Variants in SHISA9 observed in about 807,000 individuals in gnomAD.
SHISA9 encodes the protein shisa family member 9.
Under a neutral mutation model 38.0 loss-of-function variants are expected in SHISA9, and 13 were observed. That is an observed-to-expected ratio of 0.34 (90% confidence interval 0.22 to 0.54). The LOEUF is 0.54. Ranked by LOEUF, SHISA9 falls within the 20% of genes least tolerant of loss-of-function variation. The pLI is 0.91. For missense variants in SHISA9, 538 were observed against 575.8 expected (o/e 0.93, Z 0.67); for synonymous variants, 275 against 242.0 (o/e 1.14, Z -1.27).
At chr16:13,023,143 A>G (rs1246537553) in intron 2 of SHISA9, among the ~76,000 whole-genome samples, 1 of 152,098 alleles carries the variant, frequency 6.6e-6, no homozygotes, top group African/African-American at 2.4e-5. Context: ...TACATTAGGT[A>G]TTTCTCCTAA....
In SHISA9 at chr16:12,943,357, G is replaced by C. The variant is rs2071646803; in HGVS notation, c.691+26542G>C. 6.0e-5 allele frequency among the ~76,000 whole-genome samples: 5 copies of C among 83,406 alleles called. 1 individual carries two copies. The highest frequency in any genetic ancestry group is 1.3e-4 in the Non-Finnish European group (5 of 37,762). 54.7% of individuals were successfully genotyped at this position (83,406 alleles called of 152,430 possible). On this transcript the variant is annotated intron_variant, in intron 2 of 4. Transcript: ENST00000558583. ...AGAGAGAGAGAGAGAGAGAGAGAGA[G>C]AGAGAGAGAGAGAGAGAGAGAGAGA...
At chr16:13,144,935 T>C (rs181172631) in intron 2 of SHISA9, among the ~76,000 whole-genome samples, 18 of 152,274 alleles carry the variant, frequency 1.2e-4, no homozygotes, top group African/African-American at 4.3e-4. Flanking sequence ...AAGTAAACAA[T>C]TATTTTTGAT....
chr16:13,515,631 C>G, the SHISA9 span, among the ~76,000 whole-genome samples: 1 of 152,116 alleles, frequency 6.6e-6, no homozygotes, highest in Non-Finnish European at 1.5e-5. Context: ...GTCAACTTTC[C>G]TCATTATACA....
the SHISA9 span, among the ~76,000 whole-genome samples, chr16:13,561,695 A>G: frequency 6.6e-6 from 1 of 152,226 alleles, no homozygotes; most frequent in Admixed American, 6.5e-5. Context: ...CATGCAGGTC[A>G]AGGTAGTGAC....
intron 4 of SHISA9, among the ~76,000 whole-genome samples, chr16:13,222,187 G>A (rs2051232941): frequency 6.6e-6 from 1 of 151,918 alleles, no homozygotes; most frequent in Non-Finnish European, 1.5e-5. Flanking sequence ...CTCCCACCAG[G>A]TCCCTCCCAC....
chr16:13,455,123 T>G, the SHISA9 span, among the ~76,000 whole-genome samples: 4 of 152,220 alleles, frequency 2.6e-5, no homozygotes, highest in African/African-American at 9.6e-5. Context: ...ATTATACCTT[T>G]ATACACTATG....
At chr16:13,287,476 C>T in the SHISA9 span, among the ~76,000 whole-genome samples, 1 of 152,188 alleles carries the variant, frequency 6.6e-6, no homozygotes, top group Non-Finnish European at 1.5e-5. Flanking sequence ...GTAAAGATCA[C>T]TGGCATGGAG....
intron 2 of SHISA9, among the ~76,000 whole-genome samples, chr16:12,966,500 C>T (rs371417791): frequency 6.6e-6 from 1 of 152,160 alleles, no homozygotes; most frequent in Non-Finnish European, 1.5e-5. Flanking sequence ...AGCAATCTTC[C>T]TGCCTCAGCC....
chr16:13,263,897 C>G, the SHISA9 span, among the ~76,000 whole-genome samples: 1 of 152,016 alleles, frequency 6.6e-6, no homozygotes, highest in Non-Finnish European at 1.5e-5. Context: ...CTTTCAAAAT[C>G]TTGTGAGGCA....
chr16:12,948,549 C>T (rs2071715340), intron 2 of SHISA9, among the ~76,000 whole-genome samples: 2 of 152,184 alleles, frequency 1.3e-5, no homozygotes, highest in African/African-American at 4.8e-5. Context: ...ACTGGGAAGT[C>T]CAAGATCAAG....
intron 4 of SHISA9, among the ~76,000 whole-genome samples, chr16:13,230,647 T>A (rs1596753073): frequency 2.0e-5 from 3 of 152,124 alleles, no homozygotes; most frequent in Admixed American, 6.5e-5. Context: ...AGAGGTTTCT[T>A]GGATCTCATG....
the SHISA9 span, chr16:13,350,602 G>A: frequency 1.3e-5 from 2 of 152,186 alleles, no homozygotes; most frequent in Non-Finnish European, 2.9e-5. Flanking sequence ...TGAAAGCCAC[G>A]CTTGGGATCT....
chr16:13,082,446 C>A (rs1243181348), intron 2 of SHISA9: 1 of 152,144 alleles, frequency 6.6e-6, no homozygotes. Flanking sequence ...GGTCTGAAAA[C>A]AGCTGCAGCA....
At chr16:13,324,461 G>C in the SHISA9 span, among the ~76,000 whole-genome samples, 1 of 152,032 alleles carries the variant, frequency 6.6e-6, no homozygotes, top group Non-Finnish European at 1.5e-5. Context: ...AAGAGCACAA[G>C]CTCTAGATTA....
the SHISA9 span, among the ~76,000 whole-genome samples, chr16:13,299,745 G>C: frequency 5.9e-5 from 9 of 151,766 alleles, no homozygotes; most frequent in Admixed American, 5.9e-4. Context: ...CCGACAATTG[G>C]CTTTAAAGTC....
the SHISA9 span, among the ~76,000 whole-genome samples, chr16:13,288,331 T>C: frequency 6.6e-6 from 1 of 152,086 alleles, no homozygotes. Flanking sequence ...ATCAGAGTGC[T>C]TGCATGGTCA....
chr16:13,524,096 G>A, the SHISA9 span, among the ~76,000 whole-genome samples: 1 of 152,088 alleles, frequency 6.6e-6, no homozygotes, highest in African/African-American at 2.4e-5. Context: ...TGATGTTCTT[G>A]ACCATTATGC....
At chr16:12,941,766 G>A (rs769326160) in intron 2 of SHISA9, among the ~76,000 whole-genome samples, 5 of 152,098 alleles carry the variant, frequency 3.3e-5, no homozygotes, top group African/African-American at 4.8e-5. Flanking sequence ...CAGAAGAGTC[G>A]CTTGAACCCG....
chr16:13,023,524 G>A (rs1480449991), intron 2 of SHISA9, among the ~76,000 whole-genome samples: 1 of 152,054 alleles, frequency 6.6e-6, no homozygotes, highest in Non-Finnish European at 1.5e-5. Context: ...TAATCCTTCG[G>A]GTATATACCC....
Sources: allele counts gnomAD v4.1 joint callset (sites outside exome capture counted in the v4.1 genomes callset), GRCh38; gene constraint gnomAD v4.1.1; transcripts MANE v1.5; gene names NCBI Gene and HGNC (gene_info 2026-07-23, HGNC 2026-07-21).